Variants in TNKS2 observed in about 807,000 individuals in gnomAD.
TNKS2 encodes the protein tankyrase 2, also known as poly [ADP-ribose] polymerase tankyrase-2.
A neutral mutation model predicts 137.6 loss-of-function variants in TNKS2; 72 were observed. That is an observed-to-expected ratio of 0.52 (90% CI 0.43 to 0.64). The LOEUF (loss-of-function observed/expected upper bound fraction) is 0.64, where lower values mean the gene tolerates loss of function less well. Among genes scored for constraint, TNKS2 ranks in the 30% least tolerant of loss-of-function variants. TNKS2 has a pLI of 0.00. For missense variants in TNKS2, 1,049 were observed against 1,410.2 expected, an observed-to-expected ratio of 0.74 and a Z score of 4.10; for synonymous variants, 516 against 512.1, an observed-to-expected ratio of 1.01 and a Z score of -0.10.
chr10:91,826,177 G>A (rs1434025010), intron 7 of TNKS2, among the ~76,000 whole-genome samples: 2 of 152,180 alleles, frequency 1.3e-5, no homozygotes, highest in African/African-American at 4.8e-5. Flanking sequence ...CACATAGCCT[G>A]AAGATAATTT....
At chr10:91,827,602 T>C (rs1423325704) in intron 8 of TNKS2, among the ~76,000 whole-genome samples, 1 of 152,210 alleles carries the variant, frequency 6.6e-6, no homozygotes, top group Non-Finnish European at 1.5e-5. Context: ...ACATCTGATA[T>C]TGTTGGCACC....
intron 5 of TNKS2, 147 bp from the exon 6 acceptor site, chr10:91,819,792 G>T: frequency 1.5e-6 from 1 of 653,294 alleles, no homozygotes; most frequent in Non-Finnish European, 2.5e-6. Flanking sequence ...CCTTCAATAT[G>T]TATGTTGGAT....
chr10:91,829,560 G>A (rs535274810), intron 9 of TNKS2, among the ~76,000 whole-genome samples: 27 of 152,268 alleles, frequency 1.8e-4, no homozygotes, highest in African/African-American at 5.8e-4. Context: ...GTAATTTGAG[G>A]TGGATGTGAT....
chr10:91,860,297 A>T (rs1024090036), intron 25 of TNKS2, among the ~76,000 whole-genome samples: 3 of 152,182 alleles, frequency 2.0e-5, no homozygotes, highest in Non-Finnish European at 4.4e-5. Context: ...AATTCCTGAG[A>T]TTTATTCGAC....
intron 13 of TNKS2, among the ~76,000 whole-genome samples, chr10:91,840,025 C>T (rs1842161558): frequency 6.6e-5 from 10 of 152,124 alleles, no homozygotes; most frequent in Admixed American, 5.2e-4. Flanking sequence ...TACCCTTGAG[C>T]GTTAGAAAAA....
intron 16 of TNKS2, among the ~76,000 whole-genome samples, chr10:91,843,813 A>G (rs1158152681): frequency 6.6e-6 from 1 of 152,218 alleles, no homozygotes; most frequent in Non-Finnish European, 1.5e-5. Flanking sequence ...AATGTGGGAG[A>G]TGGAAATGTA....
chr10:91,816,691 T>C (rs1217744045), intron 2 of TNKS2, among the ~76,000 whole-genome samples: 1 of 151,902 alleles, frequency 6.6e-6, no homozygotes, highest in Admixed American at 6.6e-5. Context: ...ATTTTCTTTT[T>C]TTTTTTTCTT....
intron 15 of TNKS2, among the ~76,000 whole-genome samples, chr10:91,841,871 G>T (rs979369097): frequency 8.6e-5 from 13 of 151,968 alleles, no homozygotes; most frequent in African/African-American, 3.1e-4. Context: ...AAATGTTCAT[G>T]AAAAGTAAAA....
chr10:91,860,950 C>T (rs567649526), intron 25 of TNKS2, among the ~76,000 whole-genome samples: 2 of 152,272 alleles, frequency 1.3e-5, no homozygotes, highest in South Asian at 4.1e-4. Context: ...TAGTAATAAG[C>T]AGCATTCTAA....
intron 11 of TNKS2, among the ~76,000 whole-genome samples, chr10:91,832,082 T>G (rs1017337932): frequency 6.6e-6 from 1 of 152,212 alleles, no homozygotes; most frequent in African/African-American, 2.4e-5. Context: ...AATTTCTTTT[T>G]GTGTTGCCTC....
chr10:91,830,239 A>G (rs1187704979), intron 9 of TNKS2, among the ~76,000 whole-genome samples: 1 of 152,006 alleles, frequency 6.6e-6, no homozygotes, highest in Non-Finnish European at 1.5e-5. Flanking sequence ...GTTTTTTGAG[A>G]TGGAGTCTTG....
At chr10:91,808,012 A>G (rs1844385327) in intron 1 of TNKS2, among the ~76,000 whole-genome samples, 1 of 109,832 alleles carries the variant, frequency 9.1e-6, no homozygotes, top group African/African-American at 3.4e-5. Flanking sequence ...AAAAAAAAAA[A>G]GAGTCTAGAA....
chr10:91,842,269 A>T lies in TNKS2; in HGVS notation c.1937A>T (p.Asp646Val). The change falls in exon 16 of 27, where the codon GAT becomes GTT. Residue 646 changes from aspartate (D) to valine (V), a missense_variant. This residue lies in a region of TNKS2 where 328 missense variants were observed against 436.0 expected (regional missense o/e 0.75). Coordinates refer to ENST00000371627, the MANE Select transcript of TNKS2 (RefSeq NM_025235.4). Reference protein sequence around the residue: ...DTDIQDLLRGDAALLDAAKKG... With the variant: ...DTDIQDLLRGVAALLDAAKKG... The stretch of plus-strand genomic sequence containing the variant: ...GATATTCAAGATCTGCTTAGGGGAG[A>T]TGCAGCTTTGCTAGATGCTGCCAAG... 3 of 1,613,930 alleles carry T rather than the reference A, an allele frequency of 1.9e-6. No homozygotes were observed. Among genetic ancestry groups the T allele is most frequent in the Non-Finnish European group, 2.5e-6 (3 of 1,179,870 alleles).
chr10:91,819,603 G>A (rs1325855752), intron 5 of TNKS2, 46 bp downstream of exon 5: 1 of 1,374,234 alleles, frequency 7.3e-7, no homozygotes. Context: ...CTGGTAACAT[G>A]AAGATAAAGA....
intron 16 of TNKS2, among the ~76,000 whole-genome samples, chr10:91,843,399 G>A (rs916823919): frequency 6.6e-6 from 1 of 152,110 alleles, no homozygotes; most frequent in Non-Finnish European, 1.5e-5. Context: ...AGTCAAATTA[G>A]ATTAGAGCCC....
intron 19 of TNKS2, among the ~76,000 whole-genome samples, chr10:91,849,122 C>T (rs751383674): frequency 1.3e-5 from 2 of 152,226 alleles, no homozygotes; most frequent in Non-Finnish European, 2.9e-5. Flanking sequence ...TAGGCGTGAG[C>T]CACCGCCCCC....
chr10:91,836,075 T>C (rs538208816), intron 12 of TNKS2, among the ~76,000 whole-genome samples: 9 of 135,618 alleles, frequency 6.6e-5, no homozygotes, highest in Admixed American at 2.3e-4. Context: ...GAAGTTTCAC[T>C]CTTGTTGCCC....
intron 13 of TNKS2, among the ~76,000 whole-genome samples, chr10:91,839,381 C>T (rs1458798418): frequency 2.6e-5 from 4 of 151,116 alleles, no homozygotes; most frequent in African/African-American, 9.7e-5. Context: ...CTGGGTTGGT[C>T]ACCCACGCTG....
chr10:91,848,235 G>T, intron 18 of TNKS2, 148 bp from the exon 19 acceptor site: 1 of 886,712 alleles, frequency 1.1e-6, no homozygotes, highest in Non-Finnish European at 1.6e-6. Flanking sequence ...TAACCTGTTT[G>T]CTTCACTTTT....
Sources: allele counts gnomAD v4.1 joint callset (sites outside exome capture counted in the v4.1 genomes callset), GRCh38; gene constraint gnomAD v4.1.1; regional missense constraint gnomAD v4.1.1; transcripts MANE v1.5; gene names NCBI Gene and HGNC (gene_info 2026-07-23, HGNC 2026-07-21).